The following AOAH variants were observed in gnomAD, a reference collection of about 807,000 sequenced individuals.
The protein encoded by AOAH is acyloxyacyl hydrolase (neutrophil).
AOAH carries 64 observed loss-of-function variants against 92.2 expected under a neutral mutation model. The observed-to-expected ratio is 0.69, with a 90% CI of 0.57 to 0.86. The LOEUF is 0.86. AOAH is among the 40% of genes least tolerant of loss of function. The pLI is 0.00. For missense variants in AOAH, 656 were observed against 694.6 expected (o/e 0.94, Z 0.62); for synonymous variants, 263 against 254.5 (o/e 1.03, Z -0.32).
chr7:36,680,032 C>T (rs1796545004), intron 2 of AOAH, among the ~76,000 whole-genome samples: 1 of 152,126 alleles, frequency 6.6e-6, no homozygotes, highest in African/African-American at 2.4e-5. Flanking sequence ...CATGAAGTGC[C>T]TTCTTTCTTT....
At chr7:36,656,784 A>G (rs1794916450) in intron 4 of AOAH, among the ~76,000 whole-genome samples, 1 of 147,204 alleles carries the variant, frequency 6.8e-6, no homozygotes, top group Admixed American at 6.9e-5. Context: ...AAGGCCTGAT[A>G]GGTAAAGTCT....
At chr7:36,565,593 C>T (rs892439114) in intron 13 of AOAH, among the ~76,000 whole-genome samples, 8 of 150,326 alleles carry the variant, frequency 5.3e-5, no homozygotes, top group Non-Finnish European at 7.4e-5. Flanking sequence ...GGTGCAGTGG[C>T]GCAAACACGG....
At chr7:36,531,640 G>A (rs1007819546) in intron 18 of AOAH, among the ~76,000 whole-genome samples, 4 of 152,102 alleles carry the variant, frequency 2.6e-5, no homozygotes, top group African/African-American at 7.2e-5. Context: ...GAGCCACCGC[G>A]CCCAGCCTCA....
chr7:36,668,147 T>TTC (rs1247925582), intron 3 of AOAH, among the ~76,000 whole-genome samples: 3 of 152,196 alleles, frequency 2.0e-5, no homozygotes, highest in Non-Finnish European at 4.4e-5. Flanking sequence ...TCTTTTTCAT[T>TTC]TCTCCCCTGC....
At chr7:36,672,254 G>A (rs982066500) in intron 3 of AOAH, among the ~76,000 whole-genome samples, 16 of 152,190 alleles carry the variant, frequency 1.1e-4, no homozygotes, top group Non-Finnish European at 2.1e-4. Context: ...TCTTTAAAAT[G>A]TTGTAGACTC....
chr7:36,556,469 G>T (rs1019088240), intron 13 of AOAH, among the ~76,000 whole-genome samples: 1 of 152,058 alleles, frequency 6.6e-6, no homozygotes, highest in African/African-American at 2.4e-5. Context: ...TGCTGATTTG[G>T]GGTGGAGAGT....
chr7:36,673,570 A>G (rs1246953348), intron 3 of AOAH, among the ~76,000 whole-genome samples: 2 of 152,198 alleles, frequency 1.3e-5, no homozygotes, highest in East Asian at 3.8e-4. Flanking sequence ...GAAAAACAGT[A>G]AAAGAAAAAG....
intron 20 of AOAH, among the ~76,000 whole-genome samples, chr7:36,514,112 A>G (rs1352280478): frequency 6.6e-6 from 1 of 152,142 alleles, no homozygotes; most frequent in African/African-American, 2.4e-5. Context: ...TGACACCACC[A>G]AGCCCACAGG....
At chr7:36,582,095 A>T (rs1420706455) in intron 12 of AOAH, among the ~76,000 whole-genome samples, 1 of 152,244 alleles carries the variant, frequency 6.6e-6, no homozygotes, top group Non-Finnish European at 1.5e-5. Context: ...GATGCTATGC[A>T]TAATGAGGCT....
intron 1 of AOAH, among the ~76,000 whole-genome samples, chr7:36,706,585 G>C (rs1358326408): frequency 6.6e-6 from 1 of 152,142 alleles, no homozygotes; most frequent in Non-Finnish European, 1.5e-5. Context: ...TTGCAGCTGG[G>C]TATTGACTTC....
At chr7:36,598,075 G>C (rs1026534462) in intron 11 of AOAH, 3 of 152,198 alleles carry the variant, frequency 2.0e-5, no homozygotes, top group African/African-American at 4.8e-5. Context: ...AGGCAATCCT[G>C]TCTTGGGAAG....
At chr7:36,674,561 A>G (rs975009185) in intron 2 of AOAH, among the ~76,000 whole-genome samples, 1 of 152,178 alleles carries the variant, frequency 6.6e-6, no homozygotes, top group African/African-American at 2.4e-5. Flanking sequence ...ACTCCTACTA[A>G]CAACATAATC....
chr7:36,531,010 T>C (rs759177541), intron 18 of AOAH, among the ~76,000 whole-genome samples: 8 of 152,232 alleles, frequency 5.3e-5, no homozygotes, highest in Non-Finnish European at 1.2e-4. Context: ...AGTGTAAATT[T>C]GGAAACAATC....
intron 13 of AOAH, among the ~76,000 whole-genome samples, chr7:36,553,600 C>A (rs1443867308): frequency 1.3e-5 from 2 of 152,094 alleles, no homozygotes; most frequent in Non-Finnish European, 2.9e-5. Context: ...TACAGTCCCA[C>A]CAACAGTGTA....
chr7:36,548,548 A>G lies in AOAH; in HGVS notation c.1133+64T>C, dbSNP rs1785957284. On this transcript the variant is annotated intron_variant, in intron 15 of 20. Transcript: ENST00000617537. The stretch of plus-strand genomic sequence containing the variant: ...CTGCTATAATGGAGTGGAGTTGGTG[A>G]GGAGAGGGTGGGGAAGAGCCCAGAG... 8.8e-6 allele frequency: 12 copies of G among 1,363,798 alleles called. No homozygotes were observed. The South Asian group carries it at 1.4e-4, about 16-fold the overall frequency. 84.5% of individuals were successfully genotyped at this position (1,363,798 alleles called of 1,614,324 possible).
intron 5 of AOAH, 34 bp downstream of exon 5, chr7:36,637,809 ATGCCAAGG>A: frequency 6.3e-7 from 1 of 1,589,006 alleles, no homozygotes; most frequent in Non-Finnish European, 8.6e-7. Context: ...GAGAGAGGAC[ATGCCAAGG>A]AAAAGGCTGG....
chr7:36,686,719 C>A lies in AOAH; in HGVS notation c.203G>T (p.Arg68Ile). 1 of 1,553,744 alleles carries A rather than the reference C, an allele frequency of 6.4e-7. No homozygotes were observed. The highest frequency in any genetic ancestry group is 8.7e-7 in the Non-Finnish European group (1 of 1,148,474). The change falls in exon 2 of 21, where the codon AGA becomes ATA. Residue 68 changes from arginine (R) to isoleucine (I), a missense_variant. Coordinates refer to ENST00000617537, the MANE Select transcript of AOAH (RefSeq NM_001637.4). ...TTTACCAGGCAGGTAGCTGCACAGT[C>A]TCTCCATCGAGGCCTGGACCGTCGA... ...HNSTVQASME[R>I]LCSYLPEKLF...
At chr7:36,536,658 C>T (rs911762798) in intron 16 of AOAH, among the ~76,000 whole-genome samples, 2 of 152,178 alleles carry the variant, frequency 1.3e-5, no homozygotes, top group East Asian at 1.9e-4. Context: ...TTAAGAATCA[C>T]GCCTTCTCAG....
At chr7:36,631,440 C>A (rs1793092774) in intron 6 of AOAH, among the ~76,000 whole-genome samples, 1 of 152,064 alleles carries the variant, frequency 6.6e-6, no homozygotes, top group Non-Finnish European at 1.5e-5. Flanking sequence ...CATGGCTTCA[C>A]CCTTTAATGT....
Sources: allele counts gnomAD v4.1 joint callset (sites outside exome capture counted in the v4.1 genomes callset), GRCh38; gene constraint gnomAD v4.1.1; transcripts MANE v1.5; gene names NCBI Gene and HGNC (gene_info 2026-07-23, HGNC 2026-07-21).